The following AMBRA1 variants were observed in gnomAD, a reference collection of about 807,000 sequenced individuals.
AMBRA1 encodes activating molecule in BECN1-regulated autophagy protein 1.
AMBRA1 carries 47 observed loss-of-function variants against 125.4 expected under a neutral mutation model. The observed-to-expected ratio is 0.37, with a 90% CI of 0.30 to 0.48. The LOEUF (loss-of-function observed/expected upper bound fraction) is 0.48, where lower values mean the gene tolerates loss of function less well. Among genes scored for constraint, AMBRA1 ranks in the 20% least tolerant of loss-of-function variants. The pLI, the probability that AMBRA1 is intolerant of heterozygous loss-of-function variation, is 0.99. For missense variants in AMBRA1, 1,331 were observed against 1,693.4 expected (o/e 0.79, Z 3.76); for synonymous variants, 626 against 655.5 (o/e 0.95, Z 0.69).
intron 4 of AMBRA1, among the ~76,000 whole-genome samples, chr11:46,546,888 T>C (rs938411834): frequency 1.3e-4 from 20 of 151,976 alleles, no homozygotes; most frequent in African/African-American, 2.2e-4. Context: ...CTGGCCAACA[T>C]AGTGAATCCC....
intron 1 of AMBRA1, among the ~76,000 whole-genome samples, chr11:46,571,988 C>T (rs1189542081): frequency 6.6e-6 from 1 of 152,070 alleles, no homozygotes; most frequent in African/African-American, 2.4e-5. Context: ...GCGCCCTGCC[C>T]AATCAATCAA....
chr11:46,497,912 T>C (rs1042092171), intron 9 of AMBRA1, among the ~76,000 whole-genome samples: 5 of 152,196 alleles, frequency 3.3e-5, no homozygotes, highest in African/African-American at 9.6e-5. Context: ...TTTCAATGCA[T>C]GGGATATTTA....
chr11:46,467,020 C>A (rs906260453), intron 11 of AMBRA1, among the ~76,000 whole-genome samples: 2 of 151,482 alleles, frequency 1.3e-5, no homozygotes, highest in East Asian at 3.9e-4. Context: ...CGGATCCAGG[C>A]GATTCTCCTG....
intron 11 of AMBRA1, chr11:46,451,879 A>C (rs1011279103): frequency 6.9e-6 from 1 of 145,440 alleles, no homozygotes; most frequent in African/African-American, 2.5e-5. Context: ...TAGAAAGCCC[A>C]GGGCAGGTCC....
chr11:46,427,928 G>C (rs2136686593), intron 14 of AMBRA1, among the ~76,000 whole-genome samples: 1 of 145,622 alleles, frequency 6.9e-6, no homozygotes, highest in Admixed American at 7.1e-5. Flanking sequence ...AGAATCACTT[G>C]AACCCAGGTG....
At chr11:46,492,986 T>A (rs962821646) in intron 11 of AMBRA1, among the ~76,000 whole-genome samples, 2 of 152,084 alleles carry the variant, frequency 1.3e-5, no homozygotes, top group African/African-American at 4.8e-5. Context: ...GAGGTGGAGA[T>A]TGCAGTGAGC....
At chr11:46,508,452 T>A in intron 8 of AMBRA1, 82 bp from the exon 9 acceptor site, 1 of 1,393,830 alleles carries the variant, frequency 7.2e-7, no homozygotes, top group Non-Finnish European at 9.9e-7. Context: ...AGCTCTCCCA[T>A]GGCATCTCCC....
chr11:46,550,752 G>A (rs993690898), intron 1 of AMBRA1, among the ~76,000 whole-genome samples: 1 of 152,000 alleles, frequency 6.6e-6, no homozygotes, highest in African/African-American at 2.4e-5. Context: ...GGTACTGGAT[G>A]ACTAATCTAT....
intron 7 of AMBRA1, among the ~76,000 whole-genome samples, chr11:46,526,448 C>T (rs1951977780): frequency 6.6e-6 from 1 of 150,916 alleles, no homozygotes; most frequent in South Asian, 2.1e-4. Context: ...TGTTTCCTTC[C>T]TTTTAGAACT....
chr11:46,574,899 T>A (rs1407606827), intron 1 of AMBRA1, among the ~76,000 whole-genome samples: 1 of 152,224 alleles, frequency 6.6e-6, no homozygotes, highest in African/African-American at 2.4e-5. Context: ...GTTACAAATA[T>A]TACATGGAAG....
intron 8 of AMBRA1, among the ~76,000 whole-genome samples, chr11:46,510,016 T>C (rs181158321): frequency 5.9e-5 from 9 of 152,270 alleles, no homozygotes; most frequent in Admixed American, 2.6e-4. Flanking sequence ...TAGAGGAACA[T>C]AGGCTGCCTC....
chr11:46,398,049 G>A (rs1249504763), intron 17 of AMBRA1, 106 bp from the exon 18 acceptor site: 7 of 1,413,714 alleles, frequency 5.0e-6, no homozygotes, highest in Non-Finnish European at 6.6e-6. Context: ...ACTAAACGCA[G>A]GATAGAGAAA....
At chr11:46,559,949 A>C (rs1591123413) in intron 1 of AMBRA1, among the ~76,000 whole-genome samples, 1 of 152,226 alleles carries the variant, frequency 6.6e-6, no homozygotes. Flanking sequence ...TTTCAAAGTA[A>C]AACTCAAGAT....
At chr11:46,564,894 T>G (rs1012319086) in intron 1 of AMBRA1, among the ~76,000 whole-genome samples, 3 of 152,188 alleles carry the variant, frequency 2.0e-5, no homozygotes, top group African/African-American at 7.2e-5. Flanking sequence ...CTTCGATATC[T>G]ACAGCAAAGC....
intron 1 of AMBRA1, among the ~76,000 whole-genome samples, chr11:46,555,350 C>T (rs1211550193): frequency 6.6e-6 from 1 of 152,160 alleles, no homozygotes; most frequent in African/African-American, 2.4e-5. Context: ...AATTTTACTC[C>T]ACCTTCTAGC....
At chr11:46,512,938 G>C in intron 7 of AMBRA1, 125 bp from the exon 8 acceptor site, 1 of 766,896 alleles carries the variant, frequency 1.3e-6, no homozygotes, top group South Asian at 2.0e-5. Context: ...CCTGTTATCT[G>C]GGATCACACC....
At chr11:46,413,896 T>C (rs1565131293) in intron 15 of AMBRA1, among the ~76,000 whole-genome samples, 1 of 151,972 alleles carries the variant, frequency 6.6e-6, no homozygotes, top group Non-Finnish European at 1.5e-5. Flanking sequence ...GGTGAATGAG[T>C]CACTGTTTGC....
chr11:46,455,658 G>A (rs891939992), intron 11 of AMBRA1, among the ~76,000 whole-genome samples: 1 of 152,184 alleles, frequency 6.6e-6, no homozygotes, highest in Non-Finnish European at 1.5e-5. Context: ...CATCCGGCCT[G>A]GTGAGCCTCA....
chr11:46,481,996 C>T lies in AMBRA1; in HGVS notation c.2521+11612G>A, dbSNP rs188831219. Among the ~76,000 whole-genome samples, 327 of 152,266 alleles carry T rather than the reference C, an allele frequency of 2.1e-3. 3 individuals are homozygous for T. Among genetic ancestry groups the T allele is most frequent in the African/African-American group, 2.5e-3 (104 of 41,546 alleles). Reference sequence around the variant, plus strand: ...GAAATATCATATTCCAAAGTCCTCACGTTTTGCAAGTTTTGGTTACTACAT... The same window carrying T: ...GAAATATCATATTCCAAAGTCCTCATGTTTTGCAAGTTTTGGTTACTACAT... On this transcript the variant is annotated intron_variant, in intron 11 of 17. Transcript: ENST00000683756.
Sources: gnomAD v4.1 joint callset for allele counts (sites outside exome capture counted in the v4.1 genomes callset) on GRCh38, gnomAD v4.1.1 for gene constraint, MANE v1.5 for transcripts, NCBI Gene and HGNC (gene_info 2026-07-23, HGNC 2026-07-21) for gene names.